DPP4: variants seen among roughly 807,000 people sequenced by gnomAD.
The protein encoded by DPP4 is ADCP-2.
A neutral mutation model predicts 122.4 loss-of-function variants in DPP4; 93 were observed. The ratio of observed to expected loss-of-function variants is 0.76; its 90% CI spans 0.64 to 0.90. DPP4 has a LOEUF of 0.90. DPP4 is among the 40% of genes least tolerant of loss of function. The pLI, the probability that DPP4 is intolerant of heterozygous loss-of-function variation, is 0.00. For missense variants in DPP4, 914 were observed against 907.3 expected (o/e 1.01, Z -0.09); for synonymous variants, 321 against 302.9 (o/e 1.06, Z -0.62).
chr2:162,008,431 A>G (rs1701338278), intron 22 of DPP4, 131 bp downstream of exon 22: 1 of 722,082 alleles, frequency 1.4e-6, no homozygotes, highest in East Asian at 2.6e-5. Context: ...TAGGTATCCA[A>G]AAAGAACCTC....
chr2:162,020,780 G>C, intron 12 of DPP4, 92 bp from the exon 13 acceptor site: 1 of 747,378 alleles, frequency 1.3e-6, no homozygotes, highest in Non-Finnish European at 2.1e-6. Flanking sequence ...CAATACCTAC[G>C]CTCAAAAATC....
In DPP4 at chr2:162,026,148, G is replaced by A. The variant is rs569995027; in HGVS notation, c.888-1209C>T. ...ATCAATTTCCATCTCCACTCCCTTC[G>A]CAGACACCTAATCACACAACAGACA... On this transcript the variant is annotated intron_variant, in intron 10 of 25. Coordinates refer to ENST00000360534, the MANE Select transcript of DPP4 (RefSeq NM_001935.4). 3.3e-5 allele frequency among the ~76,000 whole-genome samples: 5 copies of A among 152,162 alleles called. No homozygotes were observed. The South Asian group carries it at 6.2e-4, about 19-fold the overall frequency.
intron 23 of DPP4, among the ~76,000 whole-genome samples, chr2:161,998,107 G>A (rs913222578): frequency 6.6e-6 from 1 of 152,210 alleles, no homozygotes; most frequent in Non-Finnish European, 1.5e-5. Context: ...ACAGCCCTGG[G>A]TGATTTGGGA....
intron 2 of DPP4, among the ~76,000 whole-genome samples, chr2:162,069,695 A>G (rs1460075368): frequency 1.3e-5 from 2 of 152,220 alleles, no homozygotes; most frequent in African/African-American, 2.4e-5. Context: ...CCTGAAACAT[A>G]CAAAGCTTTC....
At position 162,014,597 on chromosome 2, in the gene DPP4, G is replaced by C. The variant is rs1682846712; in HGVS notation, c.1568-132C>G. 9.7e-6 allele frequency: 6 copies of C among 617,114 alleles called. No homozygotes were observed. The South Asian group carries it at 1.3e-4, about 13-fold the overall frequency. 38.2% of individuals were successfully genotyped at this position (617,114 alleles called of 1,614,324 possible). On this transcript the variant is annotated intron_variant, in intron 18 of 25. Coordinates refer to ENST00000360534, the MANE Select transcript of DPP4 (RefSeq NM_001935.4). The stretch of plus-strand genomic sequence containing the variant: ...TTAAATGAGAGTAGAAAAGGAAAAT[G>C]AACTGCTTGGATTCAGCACATTTTT...
chr2:162,035,259 G>C lies in DPP4; in HGVS notation c.679C>G (p.Gln227Glu). 6.2e-7 allele frequency: 1 copy of C among 1,613,964 alleles called. No homozygotes were observed. The highest frequency in any genetic ancestry group is 8.5e-7 in the Non-Finnish European group (1 of 1,179,954). The change falls in exon 9 of 26, where the codon CAA (glutamine) becomes GAA (glutamate). Residue 227 changes from glutamine to glutamate, a missense_variant. Gln to Glu is a conservative substitution (Grantham distance 29). Transcript: ENST00000360534. ...SPNGTFLAYA[Q>E]FNDTEVPLIE... ...AGTGGGACTTCTGTGTCGTTAAATT[G>C]GGCATATGCTAAAAAAGTGCCGTTT... is the stretch of plus-strand genomic sequence containing the variant.
chr2:162,055,095 A>C (rs1473037704), intron 2 of DPP4, among the ~76,000 whole-genome samples: 3 of 152,250 alleles, frequency 2.0e-5, no homozygotes, highest in African/African-American at 7.2e-5. Context: ...GTTAAGTTTC[A>C]CTACGTTCAT....
Position 161,993,130 on chromosome 2 carries a change from G to A in DPP4, c.*153C>T, listed in dbSNP as rs1700903870. ...GAAGACAGAAGTCCCTACTTAAGAT[G>A]ATAGGTATGAAATTTGGGAACAAAG... On this transcript the variant is annotated 3_prime_UTR_variant, in exon 26 of 26. Transcript: ENST00000360534. 1.7e-6 allele frequency: 1 copy of A among 593,922 alleles called. No homozygotes were observed. Among genetic ancestry groups the A allele is most frequent in the East Asian group, 2.8e-5 (1 of 35,670 alleles). 36.8% of individuals were successfully genotyped at this position (593,922 alleles called of 1,614,324 possible). A position where few individuals can be genotyped will look rare whatever the true frequency, so the allele number is the denominator to read the frequency against.
In DPP4 at chr2:162,011,868, T is replaced by C. The variant is rs577060626; in HGVS notation, c.1757A>G (p.Gln586Arg). The C allele has an allele frequency of 1.2e-6, 2 of 1,613,760 alleles. No individual in the cohort carries two copies. The highest frequency in any genetic ancestry group is 2.2e-5 in the East Asian group (1 of 44,870). Residue 586 changes from glutamine to arginine, a missense_variant, in exon 20 of 26, where the codon CAA becomes CGA. Coordinates refer to ENST00000360534, the MANE Select transcript of DPP4 (RefSeq NM_001935.4). ...ASFDGRGSGY[Q>R]GDKIMHAINR... ...GATTGCATGCATGATCTTATCTCCT[T>C]GGTAACCACTTCCTCTGCCATCAAA...
chr2:162,066,407 T>C (rs1313623220), intron 2 of DPP4, among the ~76,000 whole-genome samples: 1 of 152,182 alleles, frequency 6.6e-6, no homozygotes, highest in Admixed American at 6.5e-5. Context: ...GTCACATTCA[T>C]GCTGAAATCC....
At chr2:162,029,476 G>A (rs539872104) in intron 10 of DPP4, among the ~76,000 whole-genome samples, 1 of 152,352 alleles carries the variant, frequency 6.6e-6, no homozygotes, top group African/African-American at 2.4e-5. Context: ...GGAGAGGAAT[G>A]GGTGGGATGA....
intron 2 of DPP4, among the ~76,000 whole-genome samples, chr2:162,057,818 G>C (rs1271607251): frequency 1.3e-5 from 2 of 152,086 alleles, no homozygotes; most frequent in African/African-American, 4.8e-5. Context: ...TGTCACCCAG[G>C]CTGGAGTGCA....
chr2:162,019,301 T>C (rs751090403), intron 14 of DPP4, 25 bp from the exon 15 acceptor site: 31 of 1,410,310 alleles, frequency 2.2e-5, no homozygotes, highest in Middle Eastern at 1.9e-4. Context: ...AAATGAAATA[T>C]ATATTAATTA....
rs1683727039 is a variant in DPP4, at chr2:162,035,214, A to G, written c.724T>C (p.Ser242Pro). 3 of 1,614,052 alleles carry G rather than the reference A, an allele frequency of 1.9e-6. No individual in the cohort carries two copies. In the African/African-American group the frequency reaches 4.0e-5, roughly 22 times the overall value. Residue 242 changes from serine (S) to proline (P), a missense_variant, in exon 9 of 26, where the codon TCT (serine) becomes CCT (proline). Ser to Pro is a moderately conservative substitution (Grantham distance 74). Transcript: ENST00000360534. ...TTTGGGTACTGCAGTGACTCATCAG[A>G]GTAGAAGGAGTATTCAATAAGTGGG... ...EVPLIEYSFY[S>P]DESLQYPKTV...
At chr2:162,035,431 T>C in intron 8 of DPP4, 107 bp from the exon 9 acceptor site, 3 of 975,858 alleles carry the variant, frequency 3.1e-6, no homozygotes, top group Non-Finnish European at 4.5e-6. Flanking sequence ...AGAGTTCAAC[T>C]AATGAACCAC....
intron 5 of DPP4, among the ~76,000 whole-genome samples, chr2:162,044,495 G>C (rs987430712): frequency 3.3e-5 from 5 of 151,844 alleles, no homozygotes; most frequent in Non-Finnish European, 7.4e-5. Context: ...TGTGAGTGTT[G>C]GTGTGTGAGT....
chr2:162,002,842 G>A (rs955142615), intron 23 of DPP4, among the ~76,000 whole-genome samples: 1 of 152,102 alleles, frequency 6.6e-6, no homozygotes, highest in African/African-American at 2.4e-5. Flanking sequence ...ACAAAGGAGG[G>A]CAGCTTTATT....
At chr2:162,061,476 T>A (rs1262019428) in intron 2 of DPP4, among the ~76,000 whole-genome samples, 1 of 152,228 alleles carries the variant, frequency 6.6e-6, no homozygotes, top group Non-Finnish European at 1.5e-5. Flanking sequence ...ATTTTGCCAA[T>A]TAATCAAGTA....
intron 23 of DPP4, among the ~76,000 whole-genome samples, chr2:162,003,005 C>T (rs1701189735): frequency 6.6e-6 from 1 of 152,200 alleles, no homozygotes; most frequent in South Asian, 2.1e-4. Flanking sequence ...TAACTATCGC[C>T]CTCCCAAATA....
Sources: allele counts gnomAD v4.1 joint callset (sites outside exome capture counted in the v4.1 genomes callset), GRCh38; gene constraint gnomAD v4.1.1; transcripts MANE v1.5; gene names NCBI Gene and HGNC (gene_info 2026-07-23, HGNC 2026-07-21).